Variants in BLTP1 observed in about 807,000 individuals in gnomAD.
BLTP1 encodes bridge-like lipid transfer protein family member 1.
chr4:122,291,817 T>C, the BLTP1 span: 1 of 978,680 alleles, frequency 1.0e-6, no homozygotes, highest in Non-Finnish European at 1.2e-6. Context: ...TTCCATAAGC[T>C]AAAATTATTG....
chr4:122,164,397 G>C, the BLTP1 span: 2 of 985,228 alleles, frequency 2.0e-6, no homozygotes, highest in Non-Finnish European at 2.4e-6. Flanking sequence ...GAATAAAAGT[G>C]AAAGTCTGGT....
At chr4:122,172,095 A>T in the BLTP1 span, among the ~76,000 whole-genome samples, 20,059 of 151,630 alleles carry the variant, frequency 0.13, 1,898 homozygotes, top group African/African-American at 0.27. Flanking sequence ...TTTTTTTTTT[A>T]AAATGGCAAA....
chr4:122,324,395 T>A, the BLTP1 span: 1 of 1,602,294 alleles, frequency 6.2e-7, no homozygotes, highest in Non-Finnish European at 8.5e-7. Flanking sequence ...TAATCACCTA[T>A]AGTCACCCTT....
chr4:122,226,966 T>C, the BLTP1 span: 3 of 686,938 alleles, frequency 4.4e-6, no homozygotes, highest in East Asian at 1.1e-4. Context: ...TTAATAAAAT[T>C]ATTTTTTAAA....
chr4:122,170,360 A>C, the BLTP1 span: 1 of 797,790 alleles, frequency 1.3e-6, no homozygotes, highest in East Asian at 1.3e-4. Flanking sequence ...TTTGAGCCAG[A>C]GTATAGTAAT....
the BLTP1 span, chr4:122,226,416 C>T: frequency 8.8e-7 from 1 of 1,131,258 alleles, no homozygotes; most frequent in South Asian, 2.3e-5. Context: ...GATATATAAC[C>T]TTGAATAAAA....
At chr4:122,238,271 A>G in the BLTP1 span, 1 of 1,614,146 alleles carries the variant, frequency 6.2e-7, no homozygotes, top group Non-Finnish European at 8.5e-7. Context: ...TGAAAAGGAA[A>G]GTCCTTCATC....
At chr4:122,172,356 C>G in the BLTP1 span, 1 of 705,440 alleles carries the variant, frequency 1.4e-6, no homozygotes, top group Non-Finnish European at 1.7e-6. Context: ...CAATGTTTTC[C>G]TGTTTTGCCT....
the BLTP1 span, chr4:122,316,908 G>A: frequency 7.6e-7 from 1 of 1,312,438 alleles, no homozygotes; most frequent in Non-Finnish European, 1.1e-6. Context: ...CCTAATTTTA[G>A]AATCATAAGA....
the BLTP1 span, chr4:122,355,845 T>C: frequency 8.7e-6 from 14 of 1,612,444 alleles, no homozygotes; most frequent in Non-Finnish European, 1.2e-5. Flanking sequence ...AGAATAGCAC[T>C]ACTGTGAAGA....
At chr4:122,251,524 G>A in the BLTP1 span, 10 of 969,680 alleles carry the variant, frequency 1.0e-5, no homozygotes, top group African/African-American at 7.0e-5. Context: ...ATGTTTAGGG[G>A]ATGGATTATC....
At chr4:122,295,825 G>A in the BLTP1 span, among the ~76,000 whole-genome samples, 14 of 152,026 alleles carry the variant, frequency 9.2e-5, no homozygotes, top group Admixed American at 2.0e-4. Context: ...CAGAACTAAA[G>A]ACAAAAACCA....
the BLTP1 span, among the ~76,000 whole-genome samples, chr4:122,342,589 C>G: frequency 6.6e-6 from 1 of 152,058 alleles, no homozygotes; most frequent in Non-Finnish European, 1.5e-5. Context: ...CTCCTGACCT[C>G]GTGATCTGCC....
the BLTP1 span, among the ~76,000 whole-genome samples, chr4:122,326,711 T>A: frequency 6.6e-6 from 1 of 151,636 alleles, no homozygotes; most frequent in Non-Finnish European, 1.5e-5. Context: ...AAAAATGGTA[T>A]ATAAAAAATC....
chr4:122,301,341 A>G, the BLTP1 span: 7 of 1,605,040 alleles, frequency 4.4e-6, no homozygotes, highest in African/African-American at 6.7e-5. Flanking sequence ...ACATGATGGA[A>G]CAGCAGATGG....
the BLTP1 span, chr4:122,155,925 T>C: frequency 2.7e-6 from 2 of 738,256 alleles, no homozygotes; most frequent in Admixed American, 6.3e-5. Flanking sequence ...TAGGATTTAG[T>C]GGGCTTGAGG....
the BLTP1 span, among the ~76,000 whole-genome samples, chr4:122,284,713 A>G: frequency 6.6e-6 from 1 of 152,172 alleles, no homozygotes; most frequent in African/African-American, 2.4e-5. Context: ...TTACAAAGAT[A>G]TTTACAGAAC....
chr4:122,263,659 T>G, the BLTP1 span: 1 of 1,085,942 alleles, frequency 9.2e-7, no homozygotes, highest in Non-Finnish European at 1.3e-6. Context: ...TACCAAAATC[T>G]TATTTTTCAG....
At chr4:122,215,435 C>T in the BLTP1 span, 1 of 985,302 alleles carries the variant, frequency 1.0e-6, no homozygotes, top group East Asian at 1.1e-4. Flanking sequence ...TTTGTTGGTA[C>T]ATGTTAGTAT....
Sources: allele counts gnomAD v4.1 joint callset (sites outside exome capture counted in the v4.1 genomes callset), GRCh38; gene constraint gnomAD v4.1.1; transcripts MANE v1.5; gene names NCBI Gene and HGNC (gene_info 2026-07-23, HGNC 2026-07-21).